EFNA5: variants seen among roughly 807,000 people sequenced by gnomAD.
EFNA5 encodes ephrin A5.
EFNA5 carries 5 observed loss-of-function variants against 22.9 expected under a neutral mutation model. The ratio of observed to expected loss-of-function variants is 0.22; its 90% CI spans 0.11 to 0.46. The LOEUF is 0.46. Ranked by LOEUF, EFNA5 falls within the 20% of genes least tolerant of loss-of-function variation. The pLI is 0.99. For synonymous variants in EFNA5, 113 were observed against 112.2 expected, an observed-to-expected ratio of 1.01 and a Z score of -0.04; for missense variants, 237 against 293.3, an observed-to-expected ratio of 0.81 and a Z score of 1.40.
At chr5:107,537,004 C>A (rs1042765359) in intron 1 of EFNA5, among the ~76,000 whole-genome samples, 1 of 150,976 alleles carries the variant, frequency 6.6e-6, no homozygotes, top group Admixed American at 6.6e-5. Context: ...ACTTGGGAGG[C>A]TGAGGCAGGA....
chr5:107,668,218 A>C (rs1751115254), intron 1 of EFNA5, among the ~76,000 whole-genome samples: 2 of 152,218 alleles, frequency 1.3e-5, no homozygotes, highest in South Asian at 4.1e-4. Flanking sequence ...AGGTAATTCT[A>C]CAAACCTGAA....
chr5:107,666,690 T>C (rs542460989), intron 1 of EFNA5, among the ~76,000 whole-genome samples: 1 of 152,150 alleles, frequency 6.6e-6, no homozygotes, highest in Non-Finnish European at 1.5e-5. Flanking sequence ...TCATATTTGC[T>C]GCTGTATTAT....
In EFNA5 at chr5:107,490,157, C is replaced by T. The variant is rs73197052; in HGVS notation, c.126-62648G>A. ...GATGCCTATCTATAGATAATAAACC[C>T]GCTTTGTATAACTTGTGTGCTTGGG... On this transcript the variant is annotated intron_variant, in intron 1 of 4. Coordinates refer to ENST00000333274, the MANE Select transcript of EFNA5 (RefSeq NM_001962.3). Among the ~76,000 whole-genome samples the T allele has an allele frequency of 4.6e-3, 703 of 152,268 alleles. 2 individuals are homozygous for T. Among genetic ancestry groups the T allele is most frequent in the African/African-American group, 0.016 (673 of 41,550 alleles).
intron 1 of EFNA5, among the ~76,000 whole-genome samples, chr5:107,478,439 A>C (rs1437427116): frequency 6.6e-6 from 1 of 151,748 alleles, no homozygotes; most frequent in Non-Finnish European, 1.5e-5. Context: ...AGGTTTTGTA[A>C]ATTTCAGAAG....
intron 1 of EFNA5, among the ~76,000 whole-genome samples, chr5:107,463,333 G>GTTATAATTC (rs1305488976): frequency 2.6e-5 from 4 of 151,898 alleles, no homozygotes; most frequent in African/African-American, 7.3e-5. Context: ...ATTCTGGATG[G>GTTATAATTC]TGGCATTATA....
intron 4 of EFNA5, among the ~76,000 whole-genome samples, chr5:107,386,332 G>A (rs551350646): frequency 6.7e-4 from 102 of 152,086 alleles, no homozygotes; most frequent in African/African-American, 2.4e-3. Context: ...AACACACAGG[G>A]CCTCCAGGCA....
intron 1 of EFNA5, among the ~76,000 whole-genome samples, chr5:107,529,798 A>G (rs907871846): frequency 1.3e-5 from 2 of 152,196 alleles, no homozygotes; most frequent in African/African-American, 4.8e-5. Flanking sequence ...ACAACAAAGT[A>G]TTAGTATACA....
intron 2 of EFNA5, among the ~76,000 whole-genome samples, chr5:107,395,438 C>G (rs975182264): frequency 2.2e-4 from 33 of 152,258 alleles, no homozygotes; most frequent in Non-Finnish European, 4.9e-4. Flanking sequence ...GTGGGGAAAT[C>G]TAGTCCTCAC....
At chr5:107,547,070 A>T (rs1364787264) in intron 1 of EFNA5, among the ~76,000 whole-genome samples, 1 of 152,168 alleles carries the variant, frequency 6.6e-6, no homozygotes, top group Non-Finnish European at 1.5e-5. Context: ...CAACCAAGCA[A>T]CCACCAGTGG....
chr5:107,640,980 A>AGG (rs1750491082), intron 1 of EFNA5, among the ~76,000 whole-genome samples: 6 of 107,306 alleles, frequency 5.6e-5, no homozygotes, highest in South Asian at 2.8e-4. Flanking sequence ...AGGCAGGTAG[A>AGG]TAGATAGATA....
intron 1 of EFNA5, among the ~76,000 whole-genome samples, chr5:107,632,321 C>T (rs1750272058): frequency 6.6e-6 from 1 of 152,064 alleles, no homozygotes; most frequent in South Asian, 2.1e-4. Context: ...TAAATTGCAT[C>T]CATCCACAAA....
At chr5:107,609,369 G>A (rs1337207012) in intron 1 of EFNA5, among the ~76,000 whole-genome samples, 2 of 152,080 alleles carry the variant, frequency 1.3e-5, no homozygotes, top group Admixed American at 1.3e-4. Flanking sequence ...TATAAGACTG[G>A]TAATTAAAGC....
intron 1 of EFNA5, among the ~76,000 whole-genome samples, chr5:107,639,818 AAG>A (rs1750464120): frequency 6.6e-6 from 1 of 152,222 alleles, no homozygotes. Flanking sequence ...CAGTGCCAGT[AAG>A]AGTGTAATGA....
chr5:107,635,087 GA>G (rs999657136), intron 1 of EFNA5, among the ~76,000 whole-genome samples: 3 of 152,110 alleles, frequency 2.0e-5, no homozygotes, highest in Non-Finnish European at 4.4e-5. Context: ...ACTCTAGGGG[GA>G]AAAACCATTT....
intron 2 of EFNA5, 195 bp downstream of exon 2, chr5:107,427,022 G>T: frequency 3.3e-6 from 2 of 609,082 alleles, no homozygotes; most frequent in Non-Finnish European, 5.7e-6. Flanking sequence ...TTCATAGGGG[G>T]AGACGCGCTC....
At chr5:107,447,237 A>G (rs533893878) in intron 1 of EFNA5, among the ~76,000 whole-genome samples, 1 of 143,876 alleles carries the variant, frequency 7.0e-6, no homozygotes, top group African/African-American at 2.5e-5. Context: ...GGTCAGCTCA[A>G]AAGACTAAGT....
At chr5:107,478,371 G>GTA (rs1302370590) in intron 1 of EFNA5, among the ~76,000 whole-genome samples, 1 of 152,174 alleles carries the variant, frequency 6.6e-6, no homozygotes, top group Non-Finnish European at 1.5e-5. Context: ...CTTCCACTGT[G>GTA]TAATTAGCAA....
intron 2 of EFNA5, among the ~76,000 whole-genome samples, chr5:107,416,360 T>C (rs1231219271): frequency 6.6e-6 from 1 of 152,166 alleles, no homozygotes; most frequent in Non-Finnish European, 1.5e-5. Context: ...ATGAAATAAT[T>C]GAATAAAGAC....
intron 1 of EFNA5, among the ~76,000 whole-genome samples, chr5:107,530,293 CACA>C: frequency 6.6e-6 from 1 of 152,180 alleles, no homozygotes; most frequent in Admixed American, 6.6e-5. Context: ...AATGGTGAAG[CACA>C]TACTGCTTCT....
Sources: gnomAD v4.1 joint callset for allele counts (sites outside exome capture counted in the v4.1 genomes callset) on GRCh38, gnomAD v4.1.1 for gene constraint, MANE v1.5 for transcripts, NCBI Gene and HGNC (gene_info 2026-07-23, HGNC 2026-07-21) for gene names.